Variants in GADL1 observed in about 807,000 individuals in gnomAD.
GADL1 encodes GAD like acidic amino acid decarboxylase 1, also known as acidic amino acid decarboxylase GADL1.
A neutral mutation model predicts 69.5 loss-of-function variants in GADL1; 71 were observed. That is an observed-to-expected ratio of 1.02 (90% CI 0.84 to 1.25). The LOEUF (loss-of-function observed/expected upper bound fraction) is 1.25, where lower values mean the gene tolerates loss of function less well. Among genes scored for constraint, GADL1 ranks in the 50% most tolerant of loss-of-function variants. GADL1 has a pLI of 0.00. For missense variants in GADL1, 737 were observed against 631.8 expected, an observed-to-expected ratio of 1.17 and a Z score of -1.79; for synonymous variants, 254 against 214.4, an observed-to-expected ratio of 1.18 and a Z score of -1.62.
At chr3:30,788,216 A>G (rs543119096) in intron 12 of GADL1, among the ~76,000 whole-genome samples, 1 of 152,310 alleles carries the variant, frequency 6.6e-6, no homozygotes, top group South Asian at 2.1e-4. Context: ...AATCAGTAAT[A>G]ATCAAAGAAG....
intron 1 of GADL1, among the ~76,000 whole-genome samples, chr3:30,889,028 T>G (rs752306197): frequency 6.9e-6 from 1 of 144,150 alleles, no homozygotes; most frequent in Non-Finnish European, 1.5e-5. Flanking sequence ...CAGAGAAAAG[T>G]TGTATTAGTA....
chr3:30,879,269 C>T (rs921292749), intron 1 of GADL1, among the ~76,000 whole-genome samples: 1 of 151,906 alleles, frequency 6.6e-6, no homozygotes, highest in African/African-American at 2.4e-5. Flanking sequence ...CATTTCTGGG[C>T]TTATGCCCCA....
At chr3:30,773,277 A>G (rs775313084) in intron 14 of GADL1, among the ~76,000 whole-genome samples, 4 of 152,164 alleles carry the variant, frequency 2.6e-5, no homozygotes, top group Non-Finnish European at 5.9e-5. Flanking sequence ...ATTGGGATTA[A>G]TGCTTATTTT....
chr3:30,879,806 G>GA (rs1390030675), intron 1 of GADL1, among the ~76,000 whole-genome samples: 4 of 151,788 alleles, frequency 2.6e-5, no homozygotes, highest in Non-Finnish European at 5.9e-5. Context: ...TCTGCACCAG[G>GA]AAAAAAACTC....
intron 1 of GADL1, among the ~76,000 whole-genome samples, chr3:30,888,799 A>G (rs1205050866): frequency 6.6e-6 from 1 of 152,066 alleles, no homozygotes; most frequent in Non-Finnish European, 1.5e-5. Context: ...AGAGTTCCCT[A>G]CATGAAAAGT....
At chr3:30,786,211 A>G (rs981247599) in intron 13 of GADL1, 144 bp downstream of exon 13, 2 of 658,020 alleles carry the variant, frequency 3.0e-6, no homozygotes, top group African/African-American at 3.7e-5. Flanking sequence ...AGAGTAAATT[A>G]ACATAATAGA....
intron 1 of GADL1, among the ~76,000 whole-genome samples, chr3:30,886,852 A>AG (rs1163040876): frequency 6.6e-6 from 1 of 152,168 alleles, no homozygotes; most frequent in Non-Finnish European, 1.5e-5. Flanking sequence ...TGGAGTTGAT[A>AG]GGGTACATTG....
At chr3:30,820,597 C>T (rs1020964517) in intron 11 of GADL1, among the ~76,000 whole-genome samples, 2 of 152,058 alleles carry the variant, frequency 1.3e-5, no homozygotes, top group Non-Finnish European at 2.9e-5. Context: ...GTATAAATAA[C>T]CCTAGCAAAA....
intron 1 of GADL1, among the ~76,000 whole-genome samples, chr3:30,879,365 G>A (rs1056435547): frequency 4.0e-5 from 6 of 151,814 alleles, no homozygotes; most frequent in Non-Finnish European, 7.4e-5. Context: ...GGAGGACCAA[G>A]GGTACTCAAT....
chr3:30,775,012 G>T (rs7635358), intron 14 of GADL1, among the ~76,000 whole-genome samples: 31,202 of 152,024 alleles, frequency 0.21, 7,219 homozygotes, highest in African/African-American at 0.55. Flanking sequence ...GAAGACCTAA[G>T]ATATCATAAT....
intron 1 of GADL1, among the ~76,000 whole-genome samples, chr3:30,863,027 TCA>T (rs397875196): frequency 0.021 from 2,266 of 109,928 alleles, 25 homozygotes; most frequent in African/African-American, 0.035. Flanking sequence ...CATGTCTGTT[TCA>T]CACACACACA....
At chr3:30,771,213 GCTT>G (rs1471617005) in intron 14 of GADL1, among the ~76,000 whole-genome samples, 1 of 152,300 alleles carries the variant, frequency 6.6e-6, no homozygotes, top group African/African-American at 2.4e-5. Context: ...GAACACTCCA[GCTT>G]CTTCAGCTGA....
chr3:30,786,689 A>G (rs922672715), intron 12 of GADL1, among the ~76,000 whole-genome samples: 1 of 152,218 alleles, frequency 6.6e-6, no homozygotes, highest in African/African-American at 2.4e-5. Flanking sequence ...CTGGATATAT[A>G]TCTCTGAACA....
intron 14 of GADL1, among the ~76,000 whole-genome samples, chr3:30,746,176 A>G (rs1695700271): frequency 6.6e-6 from 1 of 151,924 alleles, no homozygotes; most frequent in Admixed American, 6.6e-5. Flanking sequence ...TTTAGTAGAG[A>G]CAGGGTTTCA....
chr3:30,754,372 A>G (rs867370420), intron 14 of GADL1, among the ~76,000 whole-genome samples: 5 of 146,538 alleles, frequency 3.4e-5, no homozygotes, highest in African/African-American at 1.0e-4. Context: ...TCAGGAAAGA[A>G]TATGTTGGGG....
intron 8 of GADL1, among the ~76,000 whole-genome samples, chr3:30,842,364 G>A (rs1697980837): frequency 6.6e-6 from 1 of 152,098 alleles, no homozygotes; most frequent in South Asian, 2.1e-4. Flanking sequence ...CTATCTAGTG[G>A]TGGTATGAGG....
At chr3:30,842,476 T>C (rs1575230146) in intron 8 of GADL1, among the ~76,000 whole-genome samples, 1 of 152,100 alleles carries the variant, frequency 6.6e-6, no homozygotes, top group African/African-American at 2.4e-5. Flanking sequence ...TTTGTGTGTT[T>C]TGGTTTTTTA....
intron 1 of GADL1, among the ~76,000 whole-genome samples, chr3:30,865,524 G>A (rs1698389044): frequency 6.6e-6 from 1 of 151,936 alleles, no homozygotes; most frequent in African/African-American, 2.4e-5. Flanking sequence ...GTCGCAGGTT[G>A]TCTGTATGCC....
intron 14 of GADL1, among the ~76,000 whole-genome samples, chr3:30,769,368 T>C (rs1177146128): frequency 6.6e-6 from 1 of 152,086 alleles, no homozygotes; most frequent in Admixed American, 6.6e-5. Flanking sequence ...TTCCAATGTC[T>C]GGAACGTATG....
Sources: gnomAD v4.1 joint callset for allele counts (sites outside exome capture counted in the v4.1 genomes callset) on GRCh38, gnomAD v4.1.1 for gene constraint, MANE v1.5 for transcripts, NCBI Gene and HGNC (gene_info 2026-07-23, HGNC 2026-07-21) for gene names.